Variants in ZCCHC4 observed in about 807,000 individuals in gnomAD.
ZCCHC4 encodes zinc finger CCHC-type containing 4, also known as rRNA N(6)-adenosine-methyltransferase ZCCHC4.
ZCCHC4 carries 54 observed loss-of-function variants against 67.7 expected under a neutral mutation model. That is an observed-to-expected ratio of 0.80 (90% CI 0.64 to 1.00). ZCCHC4 has a LOEUF of 1.00. Ranked by LOEUF, ZCCHC4 falls within the 50% of genes least tolerant of loss-of-function variation. The pLI is 0.00. For synonymous variants in ZCCHC4, 198 were observed against 213.5 expected (o/e 0.93, Z 0.63); for missense variants, 609 against 617.0 (o/e 0.99, Z 0.14).
At chr4:25,341,246 T>G (rs772043767) in intron 5 of ZCCHC4, among the ~76,000 whole-genome samples, 4 of 152,228 alleles carry the variant, frequency 2.6e-5, no homozygotes, top group Admixed American at 6.5e-5. Flanking sequence ...TAAGTTTTTG[T>G]GGAGTTGATA....
intron 3 of ZCCHC4, among the ~76,000 whole-genome samples, chr4:25,325,923 G>GA (rs1055991906): frequency 5.3e-5 from 8 of 150,700 alleles, no homozygotes; most frequent in East Asian, 3.9e-4. Flanking sequence ...GGATTAGAGA[G>GA]AAAAAAAAAT....
At chr4:25,346,000 C>T (rs1460386313) in intron 6 of ZCCHC4, among the ~76,000 whole-genome samples, 2 of 152,110 alleles carry the variant, frequency 1.3e-5, no homozygotes, top group East Asian at 3.9e-4. Flanking sequence ...CATGCTGTTC[C>T]TGCTGGTTTC....
chr4:25,364,818 G>T (rs188222403), intron 11 of ZCCHC4, among the ~76,000 whole-genome samples: 2 of 152,274 alleles, frequency 1.3e-5, no homozygotes, highest in East Asian at 3.9e-4. Flanking sequence ...GGCTGAATTT[G>T]TTGCATGTAA....
chr4:25,362,931 C>T (rs1416752966), intron 10 of ZCCHC4, among the ~76,000 whole-genome samples: 2 of 152,082 alleles, frequency 1.3e-5, no homozygotes, highest in Non-Finnish European at 2.9e-5. Flanking sequence ...TCCCCTGCCC[C>T]GACACATGCA....
intron 12 of ZCCHC4, chr4:25,365,497 C>T (rs754352163): frequency 1.8e-5 from 19 of 1,034,556 alleles, no homozygotes; most frequent in Admixed American, 1.0e-4. Flanking sequence ...ATGATATTTA[C>T]GTCAGGCTTT....
At chr4:25,316,810 T>G (rs193064912) in intron 3 of ZCCHC4, among the ~76,000 whole-genome samples, 1 of 152,350 alleles carries the variant, frequency 6.6e-6, no homozygotes, top group East Asian at 1.9e-4. Flanking sequence ...AGTTTTAATT[T>G]TGATGAAGTT....
chr4:25,345,700 A>G (rs774740869), intron 6 of ZCCHC4, 80 bp downstream of exon 6: 1 of 925,942 alleles, frequency 1.1e-6, no homozygotes, highest in Non-Finnish European at 1.7e-6. Context: ...TTCTTTTTCT[A>G]AATTCCCTCA....
At chr4:25,319,827 A>G (rs972553320) in intron 3 of ZCCHC4, among the ~76,000 whole-genome samples, 2 of 152,134 alleles carry the variant, frequency 1.3e-5, no homozygotes, top group Admixed American at 6.6e-5. Flanking sequence ...TAACGCATTT[A>G]TAAGTTAGCT....
chr4:25,365,945 C>T, intron 12 of ZCCHC4: 6 of 983,388 alleles, frequency 6.1e-6, no homozygotes, highest in Non-Finnish European at 7.2e-6. Context: ...ACTAATGTTA[C>T]ACAGTTATTA....
intron 2 of ZCCHC4, 69 bp from the exon 3 acceptor site, chr4:25,315,249 G>A: frequency 2.2e-6 from 3 of 1,340,036 alleles, no homozygotes; most frequent in East Asian, 2.5e-5. Context: ...ATGTCAGAAT[G>A]TGATGCCAGT....
chr4:25,354,904 CCTTTTT>C (rs1720454895), intron 8 of ZCCHC4, among the ~76,000 whole-genome samples: 1 of 109,336 alleles, frequency 9.1e-6, no homozygotes, highest in African/African-American at 3.4e-5. Context: ...CTTGATTAGG[CCTTTTT>C]TTTTTTTTTT....
chr4:25,319,903 T>C (rs1718486960), intron 3 of ZCCHC4, among the ~76,000 whole-genome samples: 1 of 152,162 alleles, frequency 6.6e-6, no homozygotes, highest in Non-Finnish European at 1.5e-5. Flanking sequence ...TTCTTAAAAT[T>C]ATACATATTC....
intron 5 of ZCCHC4, among the ~76,000 whole-genome samples, chr4:25,342,210 A>G (rs995786239): frequency 2.6e-5 from 4 of 152,196 alleles, no homozygotes; most frequent in African/African-American, 9.6e-5. Flanking sequence ...ACCTGTATTT[A>G]CAGCATGACG....
intron 12 of ZCCHC4, chr4:25,366,200 C>A (rs1011057412): frequency 1.0e-6 from 1 of 971,820 alleles, no homozygotes. Context: ...ATTCTGGCTA[C>A]TATTACAACT....
chr4:25,364,944 A>G (rs1234501055), intron 11 of ZCCHC4, 78 bp from the exon 12 acceptor site: 1 of 1,582,490 alleles, frequency 6.3e-7, no homozygotes, highest in African/African-American at 1.4e-5. Context: ...CACTGTTCGT[A>G]TATCCTACCT....
At chr4:25,327,158 T>C (rs1718924057) in intron 3 of ZCCHC4, among the ~76,000 whole-genome samples, 1 of 152,218 alleles carries the variant, frequency 6.6e-6, no homozygotes, top group African/African-American at 2.4e-5. Context: ...AATGTTTACT[T>C]TCCAATTTAT....
chr4:25,348,161 T>G (rs772294064), intron 6 of ZCCHC4, among the ~76,000 whole-genome samples: 4 of 152,218 alleles, frequency 2.6e-5, no homozygotes, highest in Admixed American at 6.5e-5. Flanking sequence ...GTTAAGGAAG[T>G]GCCAGACAGC....
In ZCCHC4 at chr4:25,354,905, C is replaced by CTTTT. The variant is rs61156499; in HGVS notation, c.1011+3233_1011+3236dup. Reference sequence around the variant, plus strand: ...CTTTTCCCATAGACCTTGATTAGGCCTTTTTTTTTTTTTTTTTTTTGGACA... The same window carrying CTTTT: ...CTTTTCCCATAGACCTTGATTAGGCCTTTTTTTTTTTTTTTTTTTTTTTTGGACA... On this transcript the variant is annotated intron_variant, in intron 8 of 12. Coordinates refer to ENST00000302874, the MANE Select transcript of ZCCHC4 (RefSeq NM_024936.3). Among the ~76,000 whole-genome samples the CTTTT allele has an allele frequency of 2.3e-3, 234 of 101,518 alleles. 2 individuals are homozygous for CTTTT. The highest frequency in any genetic ancestry group is 8.5e-3 in the African/African-American group (217 of 25,426). 66.6% of individuals were successfully genotyped at this position (101,518 alleles called of 152,430 possible).
At chr4:25,360,027 T>G (rs955533899) in intron 8 of ZCCHC4, among the ~76,000 whole-genome samples, 2 of 152,224 alleles carry the variant, frequency 1.3e-5, no homozygotes, top group Admixed American at 6.5e-5. Flanking sequence ...ATGGACCACT[T>G]GATGGAACTA....
Sources: allele counts gnomAD v4.1 joint callset (sites outside exome capture counted in the v4.1 genomes callset), GRCh38; gene constraint gnomAD v4.1.1; transcripts MANE v1.5; gene names NCBI Gene and HGNC (gene_info 2026-07-23, HGNC 2026-07-21).